RAB35: variants seen among roughly 807,000 people sequenced by gnomAD.
RAB35 encodes the protein RAB35, member RAS oncogene family.
Under a neutral mutation model 28.9 loss-of-function variants are expected in RAB35, and 4 were observed. The ratio of observed to expected loss-of-function variants is 0.14; its 90% CI spans 0.07 to 0.32. The LOEUF is 0.32. Ranked by LOEUF, RAB35 falls within the 10% of genes least tolerant of loss-of-function variation. The probability of loss-of-function intolerance (pLI) is 1.00; values close to 1 mark genes in which losing one functional copy is unlikely to be tolerated. For synonymous variants in RAB35, 99 were observed against 105.1 expected, an observed-to-expected ratio of 0.94 and a Z score of 0.35; for missense variants, 128 against 274.0, an observed-to-expected ratio of 0.47 and a Z score of 3.76.
At chr12:120,107,983 T>C (rs1464330366) in intron 2 of RAB35, among the ~76,000 whole-genome samples, 2 of 150,812 alleles carry the variant, frequency 1.3e-5, no homozygotes, top group African/African-American at 4.9e-5. Flanking sequence ...CAGTGCACCA[T>C]GTGGTGCCTT....
intron 1 of RAB35, 90 bp downstream of exon 1, chr12:120,116,509 C>T: frequency 1.4e-6 from 1 of 729,126 alleles, no homozygotes; most frequent in Non-Finnish European, 1.7e-6. Flanking sequence ...CCCGCACGGG[C>T]CGGCACCTCC....
intron 1 of RAB35, among the ~76,000 whole-genome samples, chr12:120,111,595 C>T (rs1215637243): frequency 3.3e-5 from 5 of 151,964 alleles, no homozygotes; most frequent in African/African-American, 9.7e-5. Flanking sequence ...GCAGGAGAAT[C>T]GCCTGAACCC....
rs3999541 is a variant in RAB35 at position 120,110,290 on chromosome 12, A to ATTTTTT, written c.53-1829_53-1824dup. Among the ~76,000 whole-genome samples, 5 of 88,596 alleles carry ATTTTTT rather than the reference A, an allele frequency of 5.6e-5. 1 individual carries two copies. Among genetic ancestry groups the ATTTTTT allele is most frequent in the Admixed American group, 2.7e-4 (2 of 7,366 alleles). The allele number at this position is 88,596 out of a possible 152,430, so 58.1% of individuals were successfully genotyped here. Reference sequence around the variant, plus strand: ...TCTGTTCATGGGAGAAGCCCACAGCATTTTTTTTTTTTTTGGAGAGATAGG... The same window carrying ATTTTTT: ...TCTGTTCATGGGAGAAGCCCACAGCATTTTTTTTTTTTTTTTTTTTGGAGAGATAGG... On this transcript the variant is annotated intron_variant, in intron 1 of 5. Coordinates refer to ENST00000229340, the MANE Select transcript of RAB35 (RefSeq NM_006861.7).
intron 1 of RAB35, among the ~76,000 whole-genome samples, chr12:120,112,770 G>A (rs558380429): frequency 2.3e-4 from 34 of 151,026 alleles, no homozygotes; most frequent in African/African-American, 7.3e-4. Context: ...TGTCACCCAG[G>A]CTGGAGTGCA....
chr12:120,097,352 G>A lies in RAB35; in HGVS notation c.499C>T (p.Leu167=). ...VEEMFNCITE[L]VLRAKKDNLA... ...TTGTCTTTCTTTGCTCGGAGGACCA[G>A]CTCCGTGATGCAGTTGAACATCTGT... is the stretch of plus-strand genomic sequence containing the variant. Residue 167 remains leucine (L), a synonymous_variant, in exon 6 of 6, where the codon CTG becomes TTG. Transcript: ENST00000229340. The A allele has an allele frequency of 6.2e-7, 1 of 1,612,810 alleles. No individual in the cohort carries two copies. The highest frequency in any genetic ancestry group is 8.5e-7 in the Non-Finnish European group (1 of 1,179,798).
chr12:120,101,970 C>G (rs1455842110), intron 3 of RAB35, among the ~76,000 whole-genome samples: 1 of 152,242 alleles, frequency 6.6e-6, no homozygotes, highest in Non-Finnish European at 1.5e-5. Context: ...CCCCCAGGCC[C>G]CACTGCCCTG....
chr12:120,101,758 A>G (rs10160992), intron 3 of RAB35, among the ~76,000 whole-genome samples: 2 of 136,452 alleles, frequency 1.5e-5, no homozygotes, highest in East Asian at 3.9e-4. Flanking sequence ...GCAGGGGCCC[A>G]GCCGCTGCCC....
rs926700654 is a variant in RAB35, at chr12:120,103,548, C to T, written c.227+278G>A. Reference sequence around the variant, plus strand: ...CTCTGTAAGGTGACGGCACAGTGGGCCGGAGGGTCGGCTGACTCTCCAAGG... The same window carrying T: ...CTCTGTAAGGTGACGGCACAGTGGGTCGGAGGGTCGGCTGACTCTCCAAGG... On this transcript the variant is annotated intron_variant, in intron 3 of 5. Coordinates refer to ENST00000229340, the MANE Select transcript of RAB35 (RefSeq NM_006861.7). This position sits in a 1 kb window ranked among gnomAD's most constrained non-coding sequence, Gnocchi z 6.1. 6.6e-6 allele frequency among the ~76,000 whole-genome samples: 1 copy of T among 152,212 alleles called. No homozygotes were observed. The highest frequency in any genetic ancestry group is 1.5e-5 in the Non-Finnish European group (1 of 68,042).
intron 1 of RAB35, among the ~76,000 whole-genome samples, chr12:120,114,372 C>T (rs143793306): frequency 2.6e-5 from 4 of 152,236 alleles, no homozygotes; most frequent in Admixed American, 1.3e-4. Flanking sequence ...GGATTACAGG[C>T]GTGAGCCACC....
Position 120,096,951 on chromosome 12 carries a change from A to G in RAB35, c.*294T>C. On this transcript the variant is annotated 3_prime_UTR_variant, in exon 6 of 6. Coordinates refer to ENST00000229340, the MANE Select transcript of RAB35 (RefSeq NM_006861.7). Reference sequence around the variant, plus strand: ...GGTGTGCGGCCGGGTAGAGCAATATACACTATGTACAGACTCTGCGAATCA... The same window carrying G: ...GGTGTGCGGCCGGGTAGAGCAATATGCACTATGTACAGACTCTGCGAATCA... 1 of 1,405,808 alleles carries G rather than the reference A, an allele frequency of 7.1e-7. No individual in the cohort carries two copies. The highest frequency in any genetic ancestry group is 9.4e-7 in the Non-Finnish European group (1 of 1,064,508). The allele number at this position is 1,405,808 out of a possible 1,614,324, so 87.1% of individuals were successfully genotyped here.
intron 2 of RAB35, 87 bp from the exon 3 acceptor site, chr12:120,104,036 C>T: frequency 6.6e-7 from 1 of 1,519,346 alleles, no homozygotes. Context: ...CCCCCAGGCT[C>T]CCCCACCCTC....
chr12:120,099,221 C>G (rs1007706415), intron 3 of RAB35, 67 bp from the exon 4 acceptor site: 5 of 1,599,824 alleles, frequency 3.1e-6, no homozygotes, highest in African/African-American at 1.3e-5. Context: ...CGGGACCCAC[C>G]TGCCCACGTC....
rs1349267535 is a variant in RAB35, at chr12:120,096,635, C to G, written c.*610G>C. 2.3e-6 allele frequency: 3 copies of G among 1,289,902 alleles called. No individual in the cohort carries two copies. The South Asian group carries it at 3.7e-5, about 16-fold the overall frequency. 79.9% of individuals were successfully genotyped at this position (1,289,902 alleles called of 1,614,324 possible). On this transcript the variant is annotated 3_prime_UTR_variant, in exon 6 of 6. Coordinates refer to ENST00000229340, the MANE Select transcript of RAB35 (RefSeq NM_006861.7). ...GCAGGGCCTGCCTTGAGACCAGGTTCCCCAGCTCCCAGAATGGCTGTGGGG... is the reference window on the plus strand; with the variant it reads ...GCAGGGCCTGCCTTGAGACCAGGTTGCCCAGCTCCCAGAATGGCTGTGGGG...
rs1876358456 is a variant in RAB35 at position 120,116,725 on chromosome 12, T to C, written c.-75A>G. The C allele has an allele frequency of 8.3e-7, 1 of 1,208,436 alleles. No homozygotes were observed. Among genetic ancestry groups the C allele is most frequent in the Non-Finnish European group, 1.0e-6 (1 of 972,234 alleles). The allele number at this position is 1,208,436 out of a possible 1,614,324, so 74.9% of individuals were successfully genotyped here. A position where few individuals can be genotyped will look rare whatever the true frequency, so the allele number is the denominator to read the frequency against. On this transcript the variant is annotated 5_prime_UTR_variant, in exon 1 of 6. Coordinates refer to ENST00000229340, the MANE Select transcript of RAB35 (RefSeq NM_006861.7). ...CGATCCGCAGCTCCCTTCGGGCTGC[T>C]CCGGCAGCGGCGGATCCACTTCCCG... is the stretch of plus-strand genomic sequence containing the variant.
In RAB35 at chr12:120,112,080, G is replaced by A. The variant is rs529421983; in HGVS notation, c.53-3613C>T. On this transcript the variant is annotated intron_variant, in intron 1 of 5. Coordinates refer to ENST00000229340, the MANE Select transcript of RAB35 (RefSeq NM_006861.7). ...CAACCTCCACCTCCCAGATTCAAGCGATTCTCTTGCCTCAGCCTCCGGAGT... is the reference window on the plus strand; with the variant it reads ...CAACCTCCACCTCCCAGATTCAAGCAATTCTCTTGCCTCAGCCTCCGGAGT... Among the ~76,000 whole-genome samples the A allele has an allele frequency of 2.6e-5, 4 of 151,826 alleles. No homozygotes were observed. The South Asian group carries it at 8.3e-4, about 32-fold the overall frequency.
intron 1 of RAB35, among the ~76,000 whole-genome samples, chr12:120,111,537 C>T (rs1400301083): frequency 6.6e-6 from 1 of 152,082 alleles, no homozygotes; most frequent in Non-Finnish European, 1.5e-5. Context: ...AAAAATTAGC[C>T]GGGCGTGGTG....
chr12:120,099,517 G>C, intron 3 of RAB35: 1 of 298,432 alleles, frequency 3.4e-6, no homozygotes, highest in Non-Finnish European at 6.3e-6. Flanking sequence ...TTGACATCAT[G>C]TTATCACTGT....
In RAB35 at chr12:120,096,257, C is replaced by CAG. The variant is rs1232035097; in HGVS notation, c.*986_*987dup. On this transcript the variant is annotated 3_prime_UTR_variant, in exon 6 of 6. Transcript: ENST00000229340. The stretch of plus-strand genomic sequence containing the variant: ...CTCCCACCAAGAAAGCCCAAGAGTC[C>CAG]AGCCCCACAATGGCAGGAAGCCATT... 11 of 469,592 alleles carry CAG rather than the reference C, an allele frequency of 2.3e-5. No homozygotes were observed. Among genetic ancestry groups the CAG allele is most frequent in the African/African-American group, 2.3e-4 (11 of 48,740 alleles). 29.1% of individuals were successfully genotyped at this position (469,592 alleles called of 1,614,324 possible). A position where few individuals can be genotyped will look rare whatever the true frequency, so the allele number is the denominator to read the frequency against.
intron 1 of RAB35, among the ~76,000 whole-genome samples, chr12:120,112,309 C>T (rs2139062567): frequency 6.6e-6 from 1 of 152,146 alleles, no homozygotes; most frequent in African/African-American, 2.4e-5. Context: ...CTGGTCCTCA[C>T]CACGCAAGCC....
Sources: gnomAD v4.1 joint callset for allele counts (sites outside exome capture counted in the v4.1 genomes callset) on GRCh38, gnomAD v4.1.1 for gene constraint, Gnocchi (gnomAD v3.1) non-coding constraint, MANE v1.5 for transcripts, NCBI Gene and HGNC (gene_info 2026-07-23, HGNC 2026-07-21) for gene names.